KCNK13: variants seen among roughly 807,000 people sequenced by gnomAD.
KCNK13 encodes the protein potassium channel subfamily K member 13.
A neutral mutation model predicts 23.4 loss-of-function variants in KCNK13; 12 were observed. The observed-to-expected ratio is 0.51, with a 90% CI of 0.33 to 0.83. KCNK13 has a LOEUF of 0.83. Ranked by LOEUF, KCNK13 falls within the 40% of genes least tolerant of loss-of-function variation. The probability of loss-of-function intolerance (pLI) is 0.02; values close to 1 mark genes in which losing one functional copy is unlikely to be tolerated. For synonymous variants in KCNK13, 231 were observed against 229.5 expected (o/e 1.01, Z -0.06); for missense variants, 463 against 556.3 (o/e 0.83, Z 1.69).
At chr14:90,141,692 A>G (rs555526545) in intron 1 of KCNK13, among the ~76,000 whole-genome samples, 7 of 151,328 alleles carry the variant, frequency 4.6e-5, no homozygotes, top group African/African-American at 1.5e-4. Context: ...TCCTGACCTC[A>G]AGTGATCTGC....
chr14:90,181,233 G>A (rs1346886207), intron 1 of KCNK13, among the ~76,000 whole-genome samples: 1 of 152,128 alleles, frequency 6.6e-6, no homozygotes, highest in African/African-American at 2.4e-5. Flanking sequence ...CATCTTCTTT[G>A]GCCATCTTAG....
At chr14:90,175,589 A>C (rs752369654) in intron 1 of KCNK13, among the ~76,000 whole-genome samples, 2 of 152,242 alleles carry the variant, frequency 1.3e-5, no homozygotes, top group Non-Finnish European at 2.9e-5. Context: ...AAAATGGAGC[A>C]GGGAGCTGAA....
chr14:90,062,235 G>A lies in KCNK13; in HGVS notation c.30G>A (p.Pro10=), dbSNP rs770526009. The A allele has an allele frequency of 1.5e-6, 2 of 1,324,654 alleles. No individual in the cohort carries two copies. Among genetic ancestry groups the A allele is most frequent in the Non-Finnish European group, 2.0e-6 (2 of 1,013,284 alleles). The allele number at this position is 1,324,654 out of a possible 1,614,324, so 82.1% of individuals were successfully genotyped here. Residue 10 remains proline, a synonymous_variant, in exon 1 of 2, where the codon CCG becomes CCA. Transcript: ENST00000282146. This position sits in a 1 kb window ranked among gnomAD's most constrained non-coding sequence, Gnocchi z 4.5. The part of the protein sequence containing the change: MAGRGFSWG[P]GHLNEDNARF... ...CTGGCCGGGGTTTCAGCTGGGGCCC[G>A]GGCCACCTGAACGAGGACAACGCGC...
chr14:90,076,893 C>A (rs1034973283), intron 1 of KCNK13, among the ~76,000 whole-genome samples: 1 of 152,196 alleles, frequency 6.6e-6, no homozygotes, highest in Non-Finnish European at 1.5e-5. Context: ...GATCTCCGCT[C>A]ACTGGAAGCT....
chr14:90,170,404 C>T (rs527403062), intron 1 of KCNK13, among the ~76,000 whole-genome samples: 17 of 152,180 alleles, frequency 1.1e-4, no homozygotes, highest in Middle Eastern at 3.4e-3. Flanking sequence ...AGTAAAGACA[C>T]GGTTTCTCTG....
At chr14:90,129,268 G>A (rs1045429704) in intron 1 of KCNK13, among the ~76,000 whole-genome samples, 3 of 152,150 alleles carry the variant, frequency 2.0e-5, no homozygotes, top group Non-Finnish European at 4.4e-5. Context: ...TGGGGGCACT[G>A]GGGCTTTTTT....
chr14:90,142,406 C>T (rs1444797543), intron 1 of KCNK13, among the ~76,000 whole-genome samples: 1 of 145,706 alleles, frequency 6.9e-6, no homozygotes, highest in Non-Finnish European at 1.5e-5. Flanking sequence ...GCAAGCTCCG[C>T]CTCCCAGGTT....
Position 90,136,513 on chromosome 14 carries a change from T to TA in KCNK13, c.335-47585dup, listed in dbSNP as rs113562814. Among the ~76,000 whole-genome samples the TA allele has an allele frequency of 6.2e-4, 90 of 145,414 alleles. 3 individuals are homozygous for TA. The highest frequency in any genetic ancestry group is 4.6e-3 in the South Asian group (21 of 4,544). On this transcript the variant is annotated intron_variant, in intron 1 of 1. Transcript: ENST00000282146. ...TGAATTGATTTAAGGAGGAGGGAATTAAAAAAAAAAAAATCTTAGCAAAAC... is the reference window on the plus strand; with the variant it reads ...TGAATTGATTTAAGGAGGAGGGAATTAAAAAAAAAAAAAATCTTAGCAAAAC...
chr14:90,128,559 C>G (rs1427769760), intron 1 of KCNK13, among the ~76,000 whole-genome samples: 1 of 152,134 alleles, frequency 6.6e-6, no homozygotes, highest in East Asian at 1.9e-4. Flanking sequence ...AGGGCCAGCC[C>G]TCAGCACCTT....
chr14:90,107,303 C>T (rs1342727823), intron 1 of KCNK13, among the ~76,000 whole-genome samples: 5 of 152,246 alleles, frequency 3.3e-5, no homozygotes, highest in South Asian at 4.1e-4. Context: ...CATGGTGAAA[C>T]CCCATCTCTA....
intron 1 of KCNK13, among the ~76,000 whole-genome samples, chr14:90,147,444 T>G (rs1890086456): frequency 6.6e-6 from 1 of 152,052 alleles, no homozygotes. Context: ...ATCTTCTTTC[T>G]TTCCCTCCTG....
intron 1 of KCNK13, among the ~76,000 whole-genome samples, chr14:90,085,131 A>T (rs1025081342): frequency 8.6e-5 from 13 of 151,568 alleles, no homozygotes; most frequent in African/African-American, 2.9e-4. Context: ...TTTAGTAGAG[A>T]TGGGGTTTCA....
At chr14:90,140,950 G>T (rs1411125092) in intron 1 of KCNK13, among the ~76,000 whole-genome samples, 1 of 152,088 alleles carries the variant, frequency 6.6e-6, no homozygotes, top group Non-Finnish European at 1.5e-5. Flanking sequence ...CTCACATTAG[G>T]GGAAGTTACG....
intron 1 of KCNK13, among the ~76,000 whole-genome samples, chr14:90,080,628 T>A (rs1339346085): frequency 6.6e-6 from 1 of 152,160 alleles, no homozygotes; most frequent in Non-Finnish European, 1.5e-5. Flanking sequence ...TTTGCAGCCA[T>A]CATCCTTTTA....
Position 90,124,231 on chromosome 14 carries a change from G to A in KCNK13, c.335-59880G>A, listed in dbSNP as rs774751462. On this transcript the variant is annotated intron_variant, in intron 1 of 1. Transcript: ENST00000282146. Reference sequence around the variant, plus strand: ...TTCTTTAGCTCTTTCATTCATTAAAGTCATTAGTCTTTTGTTGAATGCCTG... The same window carrying A: ...TTCTTTAGCTCTTTCATTCATTAAAATCATTAGTCTTTTGTTGAATGCCTG... Among the ~76,000 whole-genome samples, 28 of 152,206 alleles carry A rather than the reference G, an allele frequency of 1.8e-4. 1 individual carries two copies. Among genetic ancestry groups the A allele is most frequent in the South Asian group, 4.1e-4 (2 of 4,836 alleles).
intron 1 of KCNK13, among the ~76,000 whole-genome samples, chr14:90,086,404 G>A (rs1271373026): frequency 3.3e-5 from 5 of 152,132 alleles, no homozygotes; most frequent in African/African-American, 1.2e-4. Context: ...CTAGTAGGTG[G>A]TAAAACTTTG....
chr14:90,130,443 G>A (rs1247966727), intron 1 of KCNK13, among the ~76,000 whole-genome samples: 1 of 151,598 alleles, frequency 6.6e-6, no homozygotes, highest in East Asian at 2.0e-4. Context: ...CAAATAATCT[G>A]CCCGCCTCGG....
rs1890543728 is a variant in KCNK13, at chr14:90,185,810, CTATT to C, written c.*810_*813del. The C allele has an allele frequency of 1.3e-5, 2 of 152,130 alleles. No homozygotes were observed. 9.4% of individuals were successfully genotyped at this position (152,130 alleles called of 1,614,324 possible). On this transcript the variant is annotated 3_prime_UTR_variant, in exon 2 of 2. Transcript: ENST00000282146. ...TGGGGACCCAATGCAAAGATGATGA[CTATT>C]TAATAAAATGGAAAATTTAATAAAT...
intron 1 of KCNK13, among the ~76,000 whole-genome samples, chr14:90,134,176 T>C (rs1596792757): frequency 1.3e-5 from 2 of 149,468 alleles, no homozygotes; most frequent in Admixed American, 1.4e-4. Flanking sequence ...TGTGCGTGCC[T>C]CTGCACTCCA....
Sources: allele counts gnomAD v4.1 joint callset (sites outside exome capture counted in the v4.1 genomes callset), GRCh38; gene constraint gnomAD v4.1.1; non-coding constraint Gnocchi (gnomAD v3.1); transcripts MANE v1.5; gene names NCBI Gene and HGNC (gene_info 2026-07-23, HGNC 2026-07-21).